Variants in MME observed in about 807,000 individuals in gnomAD.
MME encodes membrane metalloendopeptidase, also known as neprilysin.
Under a neutral mutation model 113.2 loss-of-function variants are expected in MME, and 98 were observed. That is an observed-to-expected ratio of 0.87 (90% CI 0.74 to 1.02). MME has a LOEUF of 1.02. Among genes scored for constraint, MME ranks in the 50% least tolerant of loss-of-function variants. MME has a pLI of 0.00. For missense variants in MME, 836 were observed against 896.0 expected (o/e 0.93, Z 0.86); for synonymous variants, 292 against 300.6 (o/e 0.97, Z 0.30).
chr3:155,133,754 A>G (rs143068557), intron 8 of MME, among the ~76,000 whole-genome samples: 2,580 of 146,242 alleles, frequency 0.018, 72 homozygotes, highest in African/African-American at 0.061. Flanking sequence ...GTATATATAT[A>G]TGTGTATATA....
At chr3:155,045,221 G>T (rs1478484877) in intron 1 of MME, among the ~76,000 whole-genome samples, 1 of 151,578 alleles carries the variant, frequency 6.6e-6, no homozygotes, top group Non-Finnish European at 1.5e-5. Context: ...CACGGTCTTG[G>T]CTCACTGCAA....
chr3:155,054,551 G>A (rs1713863316), intron 1 of MME, among the ~76,000 whole-genome samples: 2 of 152,236 alleles, frequency 1.3e-5, no homozygotes, highest in African/African-American at 4.8e-5. Flanking sequence ...ACTGGGTGCA[G>A]TGGCTCACTC....
Position 155,041,996 on chromosome 3 carries a change from C to T in MME, c.-11+17672C>T, listed in dbSNP as rs1041354430. Among the ~76,000 whole-genome samples, 5 of 152,094 alleles carry T rather than the reference C, an allele frequency of 3.3e-5. No homozygotes were observed. The East Asian group carries it at 7.7e-4, about 23-fold the overall frequency. On this transcript the variant is annotated intron_variant, in intron 1 of 22. Coordinates refer to the MME transcript ENST00000492661. ...AATCACAAAGAAACTTTCTTGAGAT[C>T]GAACTTTGTCATTTTATAAAAACTC...
At chr3:155,051,518 C>T (rs1234482331) in intron 1 of MME, among the ~76,000 whole-genome samples, 1 of 152,138 alleles carries the variant, frequency 6.6e-6, no homozygotes, top group Non-Finnish European at 1.5e-5. Context: ...GCAAAACAGG[C>T]ACATCTTACA....
intron 20 of MME, among the ~76,000 whole-genome samples, chr3:155,171,828 A>T (rs1001193817): frequency 6.6e-6 from 1 of 152,230 alleles, no homozygotes; most frequent in South Asian, 2.1e-4. Flanking sequence ...TAAGTTTTTC[A>T]TCACTTATTT....
At chr3:155,060,225 G>C (rs1714087209) in intron 1 of MME, among the ~76,000 whole-genome samples, 1 of 152,136 alleles carries the variant, frequency 6.6e-6, no homozygotes. Context: ...ATCTGCAAAT[G>C]TCCTCCCTTT....
chr3:155,063,641 A>G (rs988353677), intron 1 of MME, among the ~76,000 whole-genome samples: 2 of 123,216 alleles, frequency 1.6e-5, no homozygotes, highest in Admixed American at 1.1e-4. Flanking sequence ...ATTTGATTAT[A>G]TATTATATTT....
Position 155,116,674 on chromosome 3 carries a change from T to G in MME, c.450T>G (p.Asp150Glu), listed in dbSNP as rs201578556. 13 of 1,612,380 alleles carry G rather than the reference T, an allele frequency of 8.1e-6. No individual in the cohort carries two copies. Among genetic ancestry groups the G allele is most frequent in the African/African-American group, 1.3e-5 (1 of 74,844 alleles). The part of the protein sequence containing the change: ...YRSCINESAI[D>E]SRGGEPLLKL... ...TGTTGTTTCCAAAAGCTGCTATTGA[T>G]AGCAGAGGTGGAGAACCTCTACTCA... The change falls in exon 6 of 23, where the codon GAT (aspartate) becomes GAG (glutamate). Residue 150 changes from aspartate (D) to glutamate (E), a missense_variant. Transcript: ENST00000360490.
intron 1 of MME, among the ~76,000 whole-genome samples, chr3:155,071,252 C>G (rs1382991614): frequency 6.6e-6 from 1 of 152,194 alleles, no homozygotes; most frequent in Admixed American, 6.5e-5. Context: ...AGGGGATAAG[C>G]ATATCTCTGT....
At chr3:155,126,843 T>C (rs1719706806) in intron 8 of MME, among the ~76,000 whole-genome samples, 1 of 151,864 alleles carries the variant, frequency 6.6e-6, no homozygotes, top group Non-Finnish European at 1.5e-5. Context: ...CTACTAAAAA[T>C]ACAAAATTAG....
intron 8 of MME, among the ~76,000 whole-genome samples, chr3:155,133,056 A>ATATATATATATAT (rs1466261014): frequency 2.2e-4 from 19 of 85,282 alleles, no homozygotes; most frequent in Non-Finnish European, 4.6e-4. Flanking sequence ...AAAAAAAAAA[A>ATATATATATATAT]AAAAAAATAT....
chr3:155,088,036 G>A (rs113419172), intron 3 of MME, among the ~76,000 whole-genome samples: 1 of 152,158 alleles, frequency 6.6e-6, no homozygotes, highest in African/African-American at 2.4e-5. Context: ...TAACTTCAGT[G>A]GTAAACAAGG....
chr3:155,168,576 T>C lies in MME; in HGVS notation c.1865T>C (p.Met622Thr), dbSNP rs1711571734. The stretch of plus-strand genomic sequence containing the variant: ...AACTTTAAGGAGCAATCCCAGTGCA[T>C]GGTGTATCAGTATGGAAACTTTTCC... ...ASNFKEQSQC[M>T]VYQYGNFSWD... Residue 622 changes from methionine (M) to threonine (T), a missense_variant, in exon 19 of 23, where the codon ATG becomes ACG. Coordinates refer to ENST00000360490, the MANE Select transcript of MME (RefSeq NM_007289.4). The C allele has an allele frequency of 2.5e-6, 4 of 1,613,806 alleles. No homozygotes were observed. The East Asian group carries it at 6.7e-5, about 27-fold the overall frequency.
At chr3:155,088,035 T>G (rs927026632) in intron 3 of MME, among the ~76,000 whole-genome samples, 2 of 152,174 alleles carry the variant, frequency 1.3e-5, no homozygotes, top group Non-Finnish European at 2.9e-5. Flanking sequence ...ATAACTTCAG[T>G]GGTAAACAAG....
intron 1 of MME, among the ~76,000 whole-genome samples, chr3:155,058,880 C>T (rs937507801): frequency 5.3e-5 from 8 of 152,158 alleles, no homozygotes; most frequent in Non-Finnish European, 7.4e-5. Flanking sequence ...ACACAAGGCA[C>T]AGGTTCCAAA....
chr3:155,090,206 T>C (rs1281452818), intron 3 of MME: 1 of 152,646 alleles, frequency 6.6e-6, no homozygotes, highest in Admixed American at 6.5e-5. Flanking sequence ...CTCAGAACTG[T>C]CCACTCCTTT....
At chr3:155,044,807 TATA>T (rs1713493583) in intron 1 of MME, among the ~76,000 whole-genome samples, 3 of 152,232 alleles carry the variant, frequency 2.0e-5, no homozygotes, top group Non-Finnish European at 2.9e-5. Flanking sequence ...AGCATGTAAA[TATA>T]GTTGCATTCT....
intron 1 of MME, chr3:155,081,506 C>T (rs1715141574): frequency 6.6e-6 from 1 of 152,144 alleles, no homozygotes; most frequent in Non-Finnish European, 1.5e-5. Flanking sequence ...GTCCACTTTT[C>T]CGTTTAAACT....
chr3:155,094,487 A>G (rs972587028), intron 3 of MME, among the ~76,000 whole-genome samples: 7 of 152,226 alleles, frequency 4.6e-5, no homozygotes, highest in Non-Finnish European at 8.8e-5. Context: ...ACTATTTAAA[A>G]TTTTTTATTG....
Sources: gnomAD v4.1 joint callset for allele counts (sites outside exome capture counted in the v4.1 genomes callset) on GRCh38, gnomAD v4.1.1 for gene constraint, MANE v1.5 for transcripts, NCBI Gene and HGNC (gene_info 2026-07-23, HGNC 2026-07-21) for gene names.